DNAH11: variants seen among roughly 807,000 people sequenced by gnomAD.
DNAH11 encodes the protein axonemal beta dynein heavy chain 11.
In DNAH11, 442 loss-of-function variants were observed where a neutral mutation model predicts 526.0. The observed-to-expected ratio is 0.84, with a 90% CI of 0.78 to 0.91. The LOEUF (loss-of-function observed/expected upper bound fraction) is 0.91. Among genes scored for constraint, DNAH11 ranks in the 40% least tolerant of loss-of-function variants. The probability of loss-of-function intolerance (pLI) is 0.00; values close to 1 mark genes in which losing one functional copy is unlikely to be tolerated. For synonymous variants in DNAH11, 2,461 were observed against 1,935.9 expected (o/e 1.27, Z -7.12); for missense variants, 6,989 against 5,448.7 (o/e 1.28, Z -8.90).
intron 25 of DNAH11, among the ~76,000 whole-genome samples, chr7:21,626,567 A>C (rs1371266477): frequency 2.0e-5 from 3 of 152,140 alleles, no homozygotes; most frequent in East Asian, 3.9e-4. Context: ...TTCTACCAAC[A>C]GTGTACAAGT....
At chr7:21,670,328 A>G (rs914519401) in intron 30 of DNAH11, among the ~76,000 whole-genome samples, 1 of 151,726 alleles carries the variant, frequency 6.6e-6, no homozygotes, top group African/African-American at 2.4e-5. Context: ...TTCATTTCCC[A>G]GTGTTTTTGG....
chr7:21,613,156 A>G (rs1267462261), intron 20 of DNAH11, among the ~76,000 whole-genome samples: 2 of 152,216 alleles, frequency 1.3e-5, no homozygotes, highest in African/African-American at 2.4e-5. Flanking sequence ...GCAGTAGGGG[A>G]AATGAACTTC....
chr7:21,637,790 T>C (rs549718241), intron 27 of DNAH11, 88 bp downstream of exon 27: 2 of 748,746 alleles, frequency 2.7e-6, no homozygotes, highest in South Asian at 3.7e-5. Context: ...TACTGTGTTA[T>C]GGAGGTGCAA....
chr7:21,729,167 G>A (rs1417176413), intron 45 of DNAH11, among the ~76,000 whole-genome samples: 1 of 152,204 alleles, frequency 6.6e-6, no homozygotes, highest in African/African-American at 2.4e-5. Context: ...CCCTTTTCTT[G>A]GAGGTTAATA....
At chr7:21,627,112 T>G (rs1336165102) in intron 25 of DNAH11, among the ~76,000 whole-genome samples, 1 of 152,116 alleles carries the variant, frequency 6.6e-6, no homozygotes, top group Non-Finnish European at 1.5e-5. Flanking sequence ...AGATTGGGGT[T>G]TTGTTTTGTT....
intron 25 of DNAH11, among the ~76,000 whole-genome samples, chr7:21,621,667 T>C (rs571417406): frequency 5.7e-4 from 86 of 151,706 alleles, no homozygotes; most frequent in African/African-American, 1.9e-3. Context: ...GCTGGTTCAA[T>C]ACACACAAAT....
At chr7:21,789,954 G>A (rs1788403011) in intron 61 of DNAH11, among the ~76,000 whole-genome samples, 1 of 126,350 alleles carries the variant, frequency 7.9e-6, no homozygotes, top group Admixed American at 8.9e-5. Context: ...CAGGGTGGAT[G>A]TGCAGGCTTG....
intron 54 of DNAH11, among the ~76,000 whole-genome samples, chr7:21,765,213 ACAG>A (rs1232385786): frequency 3.2e-5 from 4 of 126,936 alleles, no homozygotes; most frequent in Non-Finnish European, 6.8e-5. Context: ...AGGAAAGTAC[ACAG>A]CAGTGTTTCT....
chr7:21,740,165 CCTCT>C (rs1021359139), intron 48 of DNAH11, among the ~76,000 whole-genome samples: 1 of 151,852 alleles, frequency 6.6e-6, no homozygotes, highest in Non-Finnish European at 1.5e-5. Context: ...CTCTCTTTTC[CCTCT>C]GAGTCCCTGG....
chr7:21,657,926 G>C (rs1383739666), intron 29 of DNAH11, among the ~76,000 whole-genome samples: 9 of 152,128 alleles, frequency 5.9e-5, no homozygotes, highest in Admixed American at 5.9e-4. Context: ...CTTCACAGGG[G>C]TGGAGGAAGA....
rs532709768 is a variant in DNAH11, at chr7:21,852,622, A to G, written c.11052A>G (p.Ile3684Met). 5.6e-6 allele frequency: 9 copies of G among 1,595,116 alleles called. No homozygotes were observed. In the South Asian group the frequency reaches 1.0e-4, roughly 18 times the overall value. The change falls in exon 67 of 82, where the codon ATA (isoleucine) becomes ATG (methionine). Residue 3684 changes from isoleucine (I) to methionine (M), a missense_variant. Coordinates refer to ENST00000409508, the MANE Select transcript of DNAH11 (RefSeq NM_001277115.2). The stretch of plus-strand genomic sequence containing the variant: ...CAACAAAGACCACCGTGGCAGAGAT[A>G]GAGCACAAGGTAGGAAGGGCAGAGG... ...LEATKTTVAE[I>M]EHKVIEAKEN...
Position 21,588,571 on chromosome 7 carries a change from A to G in DNAH11, c.1908A>G (p.Lys636=). Residue 636 remains lysine, a synonymous_variant, in exon 11 of 82, where the codon AAA becomes AAG. Transcript: ENST00000409508. ...TGCCATTTACCTCAGGAAATATGAA[A>G]TGGGCCCAGCAGGTTCTCCAACGAC... ...KNMPFTSGNM[K]WAQQVLQRLQ... 5 of 1,613,590 alleles carry G rather than the reference A, an allele frequency of 3.1e-6. No homozygotes were observed. The highest frequency in any genetic ancestry group is 4.2e-6 in the Non-Finnish European group (5 of 1,179,512).
At chr7:21,847,709 C>A (rs1458596171) in intron 66 of DNAH11, among the ~76,000 whole-genome samples, 1 of 152,166 alleles carries the variant, frequency 6.6e-6, no homozygotes, top group Non-Finnish European at 1.5e-5. Flanking sequence ...CACAGTTCGA[C>A]TATATCCTTG....
rs533732477 is a variant in DNAH11, at chr7:21,731,562, A to C, written c.7441-4078A>C. 2.2e-3 allele frequency among the ~76,000 whole-genome samples: 333 copies of C among 152,346 alleles called. 2 individuals are homozygous for C. The highest frequency in any genetic ancestry group is 0.01 in the Middle Eastern group (3 of 294). Reference sequence around the variant, plus strand: ...CGTACAGAATAATCTCTATTTTCTGAAACTGGTTGCATAAATTTACAAATA... The same window carrying C: ...CGTACAGAATAATCTCTATTTTCTGCAACTGGTTGCATAAATTTACAAATA... On this transcript the variant is annotated intron_variant, in intron 45 of 81. Transcript: ENST00000409508.
chr7:21,826,238 A>T (rs1790291391), intron 65 of DNAH11, among the ~76,000 whole-genome samples: 1 of 152,042 alleles, frequency 6.6e-6, no homozygotes, highest in Non-Finnish European at 1.5e-5. Context: ...GCCTGATAAG[A>T]AGTATCTTTA....
intron 48 of DNAH11, 38 bp from the exon 49 acceptor site, chr7:21,741,889 T>A: frequency 6.2e-7 from 1 of 1,605,894 alleles, no homozygotes; most frequent in Non-Finnish European, 8.5e-7. Flanking sequence ...CTGGTACAAT[T>A]GTAATCCTTA....
At position 21,848,135 on chromosome 7, in the gene DNAH11, C is replaced by A. The variant is rs566988381; in HGVS notation, c.10897-4332C>A. On this transcript the variant is annotated intron_variant, in intron 66 of 81. Transcript: ENST00000409508. ...TGAGCTGGGATTGCACCACTGCACTCCAGCCTGGGTGATAGAGCGAGACTC... is the reference window on the plus strand; with the variant it reads ...TGAGCTGGGATTGCACCACTGCACTACAGCCTGGGTGATAGAGCGAGACTC... 6.2e-5 allele frequency among the ~76,000 whole-genome samples: 9 copies of A among 144,392 alleles called. No homozygotes were observed. In the South Asian group the frequency reaches 1.5e-3, roughly 24 times the overall value. 94.7% of individuals were successfully genotyped at this position (144,392 alleles called of 152,430 possible).
intron 68 of DNAH11, among the ~76,000 whole-genome samples, chr7:21,859,217 G>A (rs538407874): frequency 1.3e-5 from 2 of 152,182 alleles, no homozygotes; most frequent in South Asian, 2.1e-4. Context: ...AGGTTGAAGC[G>A]ATTCTCCTGT....
intron 59 of DNAH11, 131 bp downstream of exon 59, chr7:21,786,898 C>G (rs1788218765): frequency 1.5e-6 from 2 of 1,334,600 alleles, no homozygotes; most frequent in Non-Finnish European, 2.1e-6. Flanking sequence ...ATGTAATCTA[C>G]TGTATATGTT....
Sources: allele counts gnomAD v4.1 joint callset (sites outside exome capture counted in the v4.1 genomes callset), GRCh38; gene constraint gnomAD v4.1.1; transcripts MANE v1.5; gene names NCBI Gene and HGNC (gene_info 2026-07-23, HGNC 2026-07-21).